Variants in GGTLC2 observed in about 807,000 individuals in gnomAD.
GGTLC2 encodes the protein glutathione hydrolase light chain 2.
GGTLC2 carries 13 observed loss-of-function variants against 20.2 expected under a neutral mutation model. That is an observed-to-expected ratio of 0.64 (90% confidence interval 0.42 to 1.02). GGTLC2 has a LOEUF of 1.02. Ranked by LOEUF, GGTLC2 falls within the 50% of genes least tolerant of loss-of-function variation. The pLI, the probability that GGTLC2 is intolerant of heterozygous loss-of-function variation, is 0.00. For missense variants in GGTLC2, 202 were observed against 301.3 expected, an observed-to-expected ratio of 0.67 and a Z score of 2.44; for synonymous variants, 89 against 125.5, an observed-to-expected ratio of 0.71 and a Z score of 1.94.
intron 1 of GGTLC2, among the ~76,000 whole-genome samples, 170 bp downstream of exon 1, chr22:22,644,878 CTCTCTTTTTTT>C (rs2063985764): frequency 1.2e-4 from 9 of 72,794 alleles, no homozygotes; most frequent in African/African-American, 2.9e-4. Context: ...GAGTCAGACT[CTCTCTTTTTTT>C]TTTTTTTTTT....
Position 22,646,901 on chromosome 22 carries a change from G to A in GGTLC2, c.304+20G>A, listed in dbSNP as rs372715682. The A allele has an allele frequency of 1.2e-6, 2 of 1,612,644 alleles. No individual in the cohort carries two copies. The highest frequency in any genetic ancestry group is 1.3e-5 in the African/African-American group (1 of 74,798). On this transcript the variant is annotated intron_variant, in intron 3 of 5. Transcript: ENST00000448514. ...AGCCAGGTATGGGGTGGAGGTCTGG[G>A]GATGGGGGACTGGGGTGGAGAGGGG...
rs200789321 is a variant in GGTLC2, at chr22:22,646,936, T to C, written c.305-47T>C. On this transcript the variant is annotated intron_variant, in intron 3 of 5. Coordinates refer to ENST00000448514, the MANE Select transcript of GGTLC2 (RefSeq NM_199127.3). ...CTGGGGTGGAGAGGGGCGGGTGTCC[T>C]GGGCAGGCAGCTGACGGGCATCCCT... The C allele has an allele frequency of 6.4e-5, 103 of 1,611,898 alleles. No individual in the cohort carries two copies. The East Asian group carries it at 2.3e-3, about 35-fold the overall frequency.
chr22:22,646,749 G>A lies in GGTLC2; in HGVS notation c.177-5G>A, dbSNP rs576089147. The A allele has an allele frequency of 4.0e-5, 64 of 1,608,984 alleles. No homozygotes were observed. The highest frequency in any genetic ancestry group is 1.2e-4 in the Admixed American group (7 of 59,792). On this transcript the variant is annotated splice_polypyrimidine_tract_variant and splice_region_variant and intron_variant, in intron 2 of 5. Coordinates refer to ENST00000448514, the MANE Select transcript of GGTLC2 (RefSeq NM_199127.3). ...CAGGTGCTGTCTGACCTGGCTGGGC[G>A]GTAGCTTTGGCTCCAAGGTCCGCTC...
At chr22:22,646,907 G>A (rs190714827) in intron 3 of GGTLC2, 26 bp downstream of exon 3, 2 of 1,613,024 alleles carry the variant, frequency 1.2e-6, no homozygotes, top group African/African-American at 1.3e-5. Flanking sequence ...CTGGGGATGG[G>A]GGACTGGGGT....
chr22:22,646,645 G>T (rs1295760246), intron 2 of GGTLC2, 109 bp from the exon 3 acceptor site: 5 of 1,467,850 alleles, frequency 3.4e-6, no homozygotes, highest in East Asian at 4.7e-5. Context: ...GCCCAACCTT[G>T]GTAGCTTATC....
At chr22:22,647,107 C>T in intron 4 of GGTLC2, 34 bp from the exon 5 acceptor site, 1 of 1,611,478 alleles carries the variant, frequency 6.2e-7, no homozygotes, top group Non-Finnish European at 8.5e-7. Flanking sequence ...TATGTGTCAC[C>T]CCTTTTCTCC....
At chr22:22,647,386 G>A in intron 5 of GGTLC2, 96 bp downstream of exon 5, 3 of 1,602,578 alleles carry the variant, frequency 1.9e-6, no homozygotes, top group Non-Finnish European at 2.5e-6. Context: ...AATTGTTGGT[G>A]TCCTCTCTCT....
In GGTLC2 at chr22:22,646,848, G is replaced by T; in HGVS notation, c.271G>T (p.Val91Leu). The T allele has an allele frequency of 6.2e-7, 1 of 1,613,330 alleles. No homozygotes were observed. The highest frequency in any genetic ancestry group is 8.5e-7 in the Non-Finnish European group (1 of 1,179,724). The change falls in exon 3 of 6, where the codon GTG (valine) becomes TTG (leucine). Residue 91 changes from valine to leucine, a missense_variant. By Grantham distance (32) the Val-to-Leu change is conservative (BLOSUM62 1). Coordinates refer to ENST00000448514, the MANE Select transcript of GGTLC2 (RefSeq NM_199127.3). ...SSPNITNEFG[V>L]PPSPANFIQP... ...TCCCAACATCACCAACGAGTTTGGG[G>T]TGCCCCCCTCACCTGCCAATTTCAT...
At chr22:22,646,547 G>T (rs2064095505) in intron 2 of GGTLC2, 26 bp downstream of exon 2, 1 of 1,508,980 alleles carries the variant, frequency 6.6e-7, no homozygotes, top group Non-Finnish European at 9.0e-7. Context: ...CCGCCTGGGT[G>T]GGAAAGGGCC....
chr22:22,647,847 C>T lies in GGTLC2; in HGVS notation c.*106C>T. ...GCTTCCCCTGTGAGCAGCAGAGCAG[C>T]ACAATAAATGAGGCCACTGTGCCAG... On this transcript the variant is annotated 3_prime_UTR_variant, in exon 6 of 6. Transcript: ENST00000448514. The T allele has an allele frequency of 1.3e-6, 2 of 1,558,376 alleles. No homozygotes were observed. The highest frequency in any genetic ancestry group is 1.7e-6 in the Non-Finnish European group (2 of 1,148,844).
Position 22,645,635 on chromosome 22 carries a change from G to A in GGTLC2, c.-34-677G>A, listed in dbSNP as rs1262710370. On this transcript the variant is annotated intron_variant, in intron 1 of 5. Coordinates refer to ENST00000448514, the MANE Select transcript of GGTLC2 (RefSeq NM_199127.3). ...CCGTCATAGCTGCCAGAGGGACCCT[G>A]TGAAAACACTCCCCAGCCTGCTCAT... Among the ~76,000 whole-genome samples, 14 of 150,772 alleles carry A rather than the reference G, an allele frequency of 9.3e-5. 1 individual carries two copies. Among genetic ancestry groups the A allele is most frequent in the Non-Finnish European group, 1.3e-4 (9 of 67,696 alleles).
At chr22:22,645,255 TC>T (rs2064020532) in intron 1 of GGTLC2, among the ~76,000 whole-genome samples, 1 of 150,928 alleles carries the variant, frequency 6.6e-6, no homozygotes, top group African/African-American at 2.4e-5. Context: ...TTCGGGTCCA[TC>T]CTCTGTCTCC....
intron 1 of GGTLC2, among the ~76,000 whole-genome samples, chr22:22,645,688 G>A (rs1296186573): frequency 6.6e-6 from 1 of 151,176 alleles, no homozygotes; most frequent in African/African-American, 2.4e-5. Context: ...GCATGGCACA[G>A]AGCAAAAGCC....
intron 1 of GGTLC2, 137 bp from the exon 2 acceptor site, chr22:22,646,175 T>C (rs1180569434): frequency 1.3e-5 from 18 of 1,391,130 alleles, no homozygotes; most frequent in Admixed American, 2.3e-5. Context: ...AGACTGGTCA[T>C]GCAAGATCCT....
At chr22:22,646,263 C>A (rs955153654) in intron 1 of GGTLC2, 49 bp from the exon 2 acceptor site, 27 of 1,434,290 alleles carry the variant, frequency 1.9e-5, no homozygotes, top group Non-Finnish European at 2.5e-5. Context: ...CAGTCAGGGG[C>A]CTTCTGAGAC....
chr22:22,645,192 G>C (rs370002950), intron 1 of GGTLC2, among the ~76,000 whole-genome samples: 4 of 151,454 alleles, frequency 2.6e-5, no homozygotes, highest in Non-Finnish European at 5.9e-5. Context: ...GGGATTACAG[G>C]CGTGAGCCAC....
At chr22:22,645,128 A>G (rs12484632) in intron 1 of GGTLC2, among the ~76,000 whole-genome samples, 108,472 of 148,722 alleles carry the variant, frequency 0.73, 39,973 homozygotes, top group East Asian at 0.96. Context: ...TCCTGACGTC[A>G]TGATCCGCCC....
At chr22:22,647,341 C>A in intron 5 of GGTLC2, 51 bp downstream of exon 5, 1 of 1,606,496 alleles carries the variant, frequency 6.2e-7, no homozygotes, top group East Asian at 2.2e-5. Context: ...CCCAGGGCAT[C>A]CTGGGCTGGA....
rs1052382280 is a variant in GGTLC2 at position 22,645,986 on chromosome 22, T to C, written c.-34-326T>C. 4.9e-5 allele frequency: 20 copies of C among 412,346 alleles called. No homozygotes were observed. The East Asian group carries it at 1.1e-3, about 24-fold the overall frequency. 25.5% of individuals were successfully genotyped at this position (412,346 alleles called of 1,614,324 possible). On this transcript the variant is annotated intron_variant, in intron 1 of 5. Coordinates refer to ENST00000448514, the MANE Select transcript of GGTLC2 (RefSeq NM_199127.3). ...CTGTGTGTGTTTGTTTTTCTTGGCA[T>C]GAGGGCAGGACCTAAGTGTCTGTTC...
Sources: gnomAD v4.1 joint callset for allele counts (sites outside exome capture counted in the v4.1 genomes callset) on GRCh38, gnomAD v4.1.1 for gene constraint, MANE v1.5 for transcripts, NCBI Gene and HGNC (gene_info 2026-07-23, HGNC 2026-07-21) for gene names.